Variants in EVL observed in about 807,000 individuals in gnomAD.
EVL encodes the protein ena/VASP-like protein.
EVL carries 21 observed loss-of-function variants against 59.6 expected under a neutral mutation model. The ratio of observed to expected loss-of-function variants is 0.35; its 90% confidence interval spans 0.25 to 0.51. The LOEUF (loss-of-function observed/expected upper bound fraction) is 0.51, where lower values mean the gene tolerates loss of function less well. EVL is among the 20% of genes least tolerant of loss of function. The pLI, the probability that EVL is intolerant of heterozygous loss-of-function variation, is 0.97. For missense variants in EVL, 462 were observed against 546.6 expected, an observed-to-expected ratio of 0.85 and a Z score of 1.54; for synonymous variants, 198 against 203.5, an observed-to-expected ratio of 0.97 and a Z score of 0.23.
At position 100,069,050 on chromosome 14, in the gene EVL, C is replaced by T. The variant is rs570400794; in HGVS notation, c.11+3539C>T. 6.6e-5 allele frequency among the ~76,000 whole-genome samples: 10 copies of T among 152,304 alleles called. No individual in the cohort carries two copies. The South Asian group carries it at 1.0e-3, about 16-fold the overall frequency. ...CTTGTTCTACTGTATACTGTCTTTA[C>T]CCCTCAAGAATGTAAACTCCCAGAA... is the stretch of plus-strand genomic sequence containing the variant. On this transcript the variant is annotated intron_variant, in intron 1 of 13. Transcript: ENST00000392920.
chr14:100,049,019 T>C (rs1339535321), intron 1 of EVL, among the ~76,000 whole-genome samples: 1 of 152,118 alleles, frequency 6.6e-6, no homozygotes. Flanking sequence ...TGGTGGTGGT[T>C]ACACCACCAA....
chr14:99,990,746 T>G (rs1352776518), intron 1 of EVL, among the ~76,000 whole-genome samples: 1 of 152,134 alleles, frequency 6.6e-6, no homozygotes, highest in Non-Finnish European at 1.5e-5. Context: ...TTTTTAAACA[T>G]TCATTCATTC....
rs180750453 is a variant in EVL, at chr14:100,004,957, T to C, written c.5+32900T>C. Among the ~76,000 whole-genome samples, 145 of 152,352 alleles carry C rather than the reference T, an allele frequency of 9.5e-4. 1 individual carries two copies. The highest frequency in any genetic ancestry group is 3.4e-3 in the African/African-American group (143 of 41,580). On this transcript the variant is annotated intron_variant, in intron 1 of 13. Coordinates refer to the EVL transcript ENST00000402714. ...TTTAATTTAACTTTAGATTCTAAAT[T>C]ATGACAAGTTTGTCTACAAGTATTT... is the stretch of plus-strand genomic sequence containing the variant.
chr14:100,117,663 T>C (rs1887435891), intron 3 of EVL, among the ~76,000 whole-genome samples: 1 of 152,174 alleles, frequency 6.6e-6, no homozygotes, highest in African/African-American at 2.4e-5. Context: ...AACGAGGTGG[T>C]GTCTGAGTCT....
chr14:100,112,687 C>T (rs1887082101), intron 3 of EVL, among the ~76,000 whole-genome samples: 1 of 152,190 alleles, frequency 6.6e-6, no homozygotes. Context: ...AGGGCTCCTT[C>T]CCTCACTTCT....
intron 1 of EVL, among the ~76,000 whole-genome samples, chr14:100,041,255 T>G (rs1461689769): frequency 6.6e-6 from 1 of 152,190 alleles, no homozygotes; most frequent in Non-Finnish European, 1.5e-5. Context: ...TTCCCAGAAC[T>G]CCTAGGTGTA....
intron 1 of EVL, among the ~76,000 whole-genome samples, chr14:100,073,335 T>C (rs543004642): frequency 4.0e-5 from 6 of 150,816 alleles, no homozygotes; most frequent in African/African-American, 1.5e-4. Context: ...TTTTTTTTTT[T>C]TGGGGAGACA....
chr14:99,984,784 T>C (rs2060829873), intron 1 of EVL, among the ~76,000 whole-genome samples: 1 of 152,040 alleles, frequency 6.6e-6, no homozygotes, highest in South Asian at 2.1e-4. Context: ...CGGCTAATTT[T>C]TTTGTATTTT....
At position 100,039,324 on chromosome 14, in the gene EVL, C is replaced by T. The variant is rs575766446; in HGVS notation, c.6-45363C>T. Among the ~76,000 whole-genome samples the T allele has an allele frequency of 1.9e-4, 29 of 152,314 alleles. 1 individual carries two copies. In the South Asian group the frequency reaches 6.0e-3, roughly 32 times the overall value. On this transcript the variant is annotated intron_variant, in intron 1 of 13. Coordinates refer to the EVL transcript ENST00000402714. ...CAATTTTGGCTCACTGCAACTTCCG[C>T]CTCCCAGATTCAAGTGATTCTCCTG...
chr14:100,052,440 G>A (rs1410301183), intron 1 of EVL, among the ~76,000 whole-genome samples: 1 of 152,016 alleles, frequency 6.6e-6, no homozygotes, highest in Non-Finnish European at 1.5e-5. Flanking sequence ...TTGAAAAATT[G>A]TAGATGTCAC....
intron 1 of EVL, among the ~76,000 whole-genome samples, chr14:100,037,350 CCTTT>C (rs2061403628): frequency 6.6e-6 from 1 of 152,196 alleles, no homozygotes; most frequent in African/African-American, 2.4e-5. Flanking sequence ...TCCAGGAAAG[CCTTT>C]CTAACAGGGG....
intron 1 of EVL, among the ~76,000 whole-genome samples, chr14:100,038,771 GGTGTGTGT>G (rs61309441): frequency 5.0e-5 from 7 of 140,914 alleles, no homozygotes; most frequent in Admixed American, 7.2e-5. Context: ...TGTGCCCTGG[GGTGTGTGT>G]GTGTGTGTGT....
intron 1 of EVL, among the ~76,000 whole-genome samples, chr14:100,069,323 C>G (rs2281896): frequency 0.072 from 11,003 of 152,228 alleles, 629 homozygotes; most frequent in East Asian, 0.18. Flanking sequence ...TGGGCACAGT[C>G]ATTACTGTTT....
At chr14:100,028,842 G>T (rs146230368) in intron 1 of EVL, among the ~76,000 whole-genome samples, 1,985 of 152,232 alleles carry the variant, frequency 0.013, 45 homozygotes, top group African/African-American at 0.045. Flanking sequence ...TTAAATAAGC[G>T]TGCAGTTGTT....
At chr14:100,024,407 A>G (rs1009693781) in intron 1 of EVL, among the ~76,000 whole-genome samples, 1 of 152,184 alleles carries the variant, frequency 6.6e-6, no homozygotes, top group African/African-American at 2.4e-5. Flanking sequence ...GAAGAAACAG[A>G]TGTTTAGTAC....
intron 1 of EVL, among the ~76,000 whole-genome samples, chr14:100,023,371 A>ATTTTTTT (rs1010647617): frequency 1.1e-5 from 1 of 90,772 alleles, no homozygotes; most frequent in Non-Finnish European, 2.1e-5. Context: ...AGCCCGGCTA[A>ATTTTTTT]TTTTTTTTTT....
At position 100,109,474 on chromosome 14, in the gene EVL, G is replaced by C. The variant is rs1432305247; in HGVS notation, c.358+11816G>C. 1 of 415,242 alleles carries C rather than the reference G, an allele frequency of 2.4e-6. No individual in the cohort carries two copies. The highest frequency in any genetic ancestry group is 2.7e-5 in the Admixed American group (1 of 36,460). 25.7% of individuals were successfully genotyped at this position (415,242 alleles called of 1,614,324 possible). A position where few individuals can be genotyped will look rare whatever the true frequency, so the allele number is the denominator to read the frequency against. ...TCCTCGAGGGCAGGTGTCTGTTTCT[G>C]TGTCTCGGGAGCCCTGAAGAGAGAC... On this transcript the variant is annotated intron_variant, in intron 3 of 13. Coordinates refer to ENST00000392920, the MANE Select transcript of EVL (RefSeq NM_016337.3). The surrounding 1 kb of genome is among the most constrained non-coding windows in gnomAD (Gnocchi z 4.3).
At chr14:100,131,813 G>A (rs866387926) in intron 7 of EVL, among the ~76,000 whole-genome samples, 1 of 152,346 alleles carries the variant, frequency 6.6e-6, no homozygotes, top group African/African-American at 2.4e-5. Context: ...GTTATAAGAA[G>A]CTGGTGTCAG....
At chr14:100,088,827 A>G (rs578019795) in intron 2 of EVL, among the ~76,000 whole-genome samples, 4 of 152,308 alleles carry the variant, frequency 2.6e-5, no homozygotes, top group African/African-American at 9.6e-5. Context: ...GACATTTTAA[A>G]ATGTTAATCC....
Sources: gnomAD v4.1 joint callset for allele counts (sites outside exome capture counted in the v4.1 genomes callset) on GRCh38, gnomAD v4.1.1 for gene constraint, Gnocchi (gnomAD v3.1) non-coding constraint, MANE v1.5 for transcripts, NCBI Gene and HGNC (gene_info 2026-07-23, HGNC 2026-07-21) for gene names.